KMT2A: variants seen among roughly 807,000 people sequenced by gnomAD.
KMT2A encodes the protein histone-lysine N-methyltransferase 2A.
A neutral mutation model predicts 345.3 loss-of-function variants in KMT2A; 16 were observed. The ratio of observed to expected loss-of-function variants is 0.05; its 90% CI spans 0.03 to 0.07. The LOEUF is 0.07. Ranked by LOEUF, KMT2A falls within the 10% of genes least tolerant of loss-of-function variation. KMT2A has a pLI of 1.00. For missense variants in KMT2A, 3,272 were observed against 4,841.6 expected (o/e 0.68, Z 9.62); for synonymous variants, 1,599 against 1,778.6 (o/e 0.90, Z 2.54).
rs1279365719 is a variant in KMT2A, at chr11:118,494,138, A to G, written c.5179-150A>G. 9.4e-6 allele frequency: 5 copies of G among 531,212 alleles called. No homozygotes were observed. The highest frequency in any genetic ancestry group is 1.9e-5 in the African/African-American group (1 of 51,708). 32.9% of individuals were successfully genotyped at this position (531,212 alleles called of 1,614,324 possible). ...ACAGGTTAATCGTGAATTGAATCTC[A>G]AAGGTCTCAGCCAAAGAGTATTATA... On this transcript the variant is annotated intron_variant, in intron 16 of 35. Transcript: ENST00000534358. This position sits in a 1 kb window ranked among gnomAD's most constrained non-coding sequence, Gnocchi z 5.8.
chr11:118,520,650 CAAA>C lies in KMT2A; in HGVS notation c.11430-144_11430-142del. ...TGGGCGACAGAGCGAAACTCCATCTCAAAAAAAAAAGGGGGGCGCTCATTTTAT... is the reference window on the plus strand; with the variant it reads ...TGGGCGACAGAGCGAAACTCCATCTCAAAAAAAGGGGGGCGCTCATTTTAT... On this transcript the variant is annotated intron_variant, in intron 33 of 35. Transcript: ENST00000534358. This position sits in a 1 kb window ranked among gnomAD's most constrained non-coding sequence, Gnocchi z 4.3. 1.9e-6 allele frequency: 1 copy of C among 521,646 alleles called. No individual in the cohort carries two copies. Among genetic ancestry groups the C allele is most frequent in the Non-Finnish European group, 3.5e-6 (1 of 289,728 alleles). The allele number at this position is 521,646 out of a possible 1,614,324, so 32.3% of individuals were successfully genotyped here.
In KMT2A at chr11:118,526,345, T is replaced by TACC; in HGVS notation, c.*4174_*4175insCCA. Reference sequence around the variant, plus strand: ...AAAATTGTGTTCTGTGCTTTCCTGGTATCTTGTTCCGAGGTACTCTAGTTC... The same window carrying TACC: ...AAAATTGTGTTCTGTGCTTTCCTGGTACCATCTTGTTCCGAGGTACTCTAGTTC... On this transcript the variant is annotated 3_prime_UTR_variant, in exon 36 of 36. Coordinates refer to ENST00000534358, the MANE Select transcript of KMT2A (RefSeq NM_001197104.2). The TACC allele has an allele frequency of 4.4e-6, 1 of 225,356 alleles. No homozygotes were observed. Among genetic ancestry groups the TACC allele is most frequent in the Non-Finnish European group, 8.8e-6 (1 of 113,200 alleles). The allele number at this position is 225,356 out of a possible 1,614,324, so 14.0% of individuals were successfully genotyped here.
chr11:118,449,967 T>C (rs886334835), intron 1 of KMT2A: 3 of 152,222 alleles, frequency 2.0e-5, no homozygotes, highest in South Asian at 2.1e-4. Flanking sequence ...AAATTTCTTA[T>C]AATAAAAAGA....
chr11:118,500,386 A>G (rs1225745000), intron 24 of KMT2A, among the ~76,000 whole-genome samples: 2 of 152,246 alleles, frequency 1.3e-5, no homozygotes, highest in Non-Finnish European at 2.9e-5. Flanking sequence ...AGCTAACAAT[A>G]TAAGTTCAAA....
In KMT2A at chr11:118,503,331, G is replaced by T; in HGVS notation, c.7439G>T (p.Arg2480Leu). The change falls in exon 27 of 36, where the codon CGA (arginine) becomes CTA (leucine). Residue 2480 changes from arginine (R) to leucine (L), a missense_variant. Transcript: ENST00000534358. This position sits in a 1 kb window ranked among gnomAD's most constrained non-coding sequence, Gnocchi z 5.3. ...EVLTPEYMGQRPCNNVSSDKI... is the reference protein window; with the variant it reads ...EVLTPEYMGQLPCNNVSSDKI... Reference sequence around the variant, plus strand: ...TTGACTCCTGAGTATATGGGCCAACGACCATGTAACAATGTTTCTTCTGAT... The same window carrying T: ...TTGACTCCTGAGTATATGGGCCAACTACCATGTAACAATGTTTCTTCTGAT... 6.2e-7 allele frequency: 1 copy of T among 1,613,990 alleles called. No homozygotes were observed. The highest frequency in any genetic ancestry group is 1.1e-5 in the South Asian group (1 of 91,018).
intron 1 of KMT2A, among the ~76,000 whole-genome samples, chr11:118,454,157 A>T (rs1206780274): frequency 6.6e-6 from 1 of 152,158 alleles, no homozygotes; most frequent in Non-Finnish European, 1.5e-5. Context: ...TTTGTTTCTC[A>T]CATAGCAACA....
At chr11:118,515,952 C>A (rs781949543) in intron 31 of KMT2A, among the ~76,000 whole-genome samples, 1 of 151,996 alleles carries the variant, frequency 6.6e-6, no homozygotes, top group East Asian at 1.9e-4. Flanking sequence ...CCTCCCAAAG[C>A]GCTGAGAGTA....
chr11:118,481,369 G>C (rs1183470406), intron 6 of KMT2A, among the ~76,000 whole-genome samples: 1 of 152,024 alleles, frequency 6.6e-6, no homozygotes, highest in Admixed American at 6.6e-5. Context: ...CTCTGTGTCT[G>C]GCTTATTTCA....
chr11:118,481,315 A>C (rs141131964), intron 6 of KMT2A, among the ~76,000 whole-genome samples: 4 of 152,048 alleles, frequency 2.6e-5, no homozygotes, highest in African/African-American at 9.6e-5. Context: ...AATTGTTTTA[A>C]TTTTTAGCTC....
chr11:118,507,885 C>T, intron 28 of KMT2A: 1 of 319,634 alleles, frequency 3.1e-6, no homozygotes, highest in Non-Finnish European at 6.1e-6. Flanking sequence ...AGGGCGTGAA[C>T]CCAGGAGGCG....
chr11:118,484,092 A>G lies in KMT2A; in HGVS notation c.4087-91A>G. 1.6e-6 allele frequency: 2 copies of G among 1,221,222 alleles called. No individual in the cohort carries two copies. The highest frequency in any genetic ancestry group is 2.3e-6 in the Non-Finnish European group (2 of 860,998). The allele number at this position is 1,221,222 out of a possible 1,614,324, so 75.6% of individuals were successfully genotyped here. On this transcript the variant is annotated intron_variant, in intron 8 of 35. Coordinates refer to ENST00000534358, the MANE Select transcript of KMT2A (RefSeq NM_001197104.2). This position sits in a 1 kb window ranked among gnomAD's most constrained non-coding sequence, Gnocchi z 4.1. ...TGGAAACATGTTTTTTAGATCTATT[A>G]ATAAAATTTGTCATTTGCATTATTA...
Position 118,520,710 on chromosome 11 carries a change from G to A in KMT2A, c.11430-92G>A. 2 of 893,156 alleles carry A rather than the reference G, an allele frequency of 2.2e-6. No homozygotes were observed. Among genetic ancestry groups the A allele is most frequent in the Non-Finnish European group, 3.7e-6 (2 of 541,902 alleles). 55.3% of individuals were successfully genotyped at this position (893,156 alleles called of 1,614,324 possible). A position where few individuals can be genotyped will look rare whatever the true frequency, so the allele number is the denominator to read the frequency against. ...CTCGTTCAGTTTGGCATTAAACAAAGAGTGTACTAATTGTCTCTAGGAACC... is the reference window on the plus strand; with the variant it reads ...CTCGTTCAGTTTGGCATTAAACAAAAAGTGTACTAATTGTCTCTAGGAACC... On this transcript the variant is annotated intron_variant, in intron 33 of 35. Transcript: ENST00000534358. This position sits in a 1 kb window ranked among gnomAD's most constrained non-coding sequence, Gnocchi z 4.3.
chr11:118,475,320 C>A (rs1253347578), intron 3 of KMT2A, among the ~76,000 whole-genome samples: 2 of 151,430 alleles, frequency 1.3e-5, no homozygotes, highest in Non-Finnish European at 2.9e-5. Context: ...CTGGCCTTTT[C>A]TGAGAAAAGT....
In KMT2A at chr11:118,473,269, C is replaced by A; in HGVS notation, c.2110C>A (p.Pro704Thr). ...SPLLRAPRFTPSEAHSRIFES... is the reference protein window; with the variant it reads ...SPLLRAPRFTTSEAHSRIFES... ...TCTTCTGAGAGCTCCAAGATTTACT[C>A]CAAGTGAGGCTCACTCTAGAATATT... Residue 704 changes from proline (P) to threonine (T), a missense_variant, in exon 3 of 36, where the codon CCA (proline) becomes ACA (threonine). Physicochemically the swap from Pro to Thr is conservative, Grantham distance 38. This residue lies in a region of KMT2A where 114 missense variants were observed against 203.2 expected (regional missense o/e 0.56). Coordinates refer to ENST00000534358, the MANE Select transcript of KMT2A (RefSeq NM_001197104.2). This position sits in a 1 kb window ranked among gnomAD's most constrained non-coding sequence, Gnocchi z 5.2. The A allele has an allele frequency of 1.2e-6, 2 of 1,611,466 alleles. No homozygotes were observed. Among genetic ancestry groups the A allele is most frequent in the Non-Finnish European group, 1.7e-6 (2 of 1,178,978 alleles).
Position 118,476,737 on chromosome 11 carries a change from C to G in KMT2A, c.3157-68C>G. The stretch of plus-strand genomic sequence containing the variant: ...TCATACTGAAATTGATTAAGTATAC[C>G]TTGGCTTCGTTCAGTTATAATTTCA... On this transcript the variant is annotated intron_variant, in intron 3 of 35. Coordinates refer to ENST00000534358, the MANE Select transcript of KMT2A (RefSeq NM_001197104.2). The surrounding 1 kb of genome is among the most constrained non-coding windows in gnomAD (Gnocchi z 4.1). 1 of 1,299,030 alleles carries G rather than the reference C, an allele frequency of 7.7e-7. No homozygotes were observed. Among genetic ancestry groups the G allele is most frequent in the Non-Finnish European group, 1.1e-6 (1 of 925,978 alleles). 80.5% of individuals were successfully genotyped at this position (1,299,030 alleles called of 1,614,324 possible).
In KMT2A at chr11:118,506,036, A is replaced by T; in HGVS notation, c.10144A>T (p.Ser3382Cys). The change falls in exon 27 of 36, where the codon AGC (serine) becomes TGC (cysteine). Residue 3382 changes from serine to cysteine, a missense_variant. Ser to Cys is a moderately radical substitution (Grantham distance 112). This residue lies in a region of KMT2A where 748 missense variants were observed against 922.2 expected (regional missense o/e 0.81). Coordinates refer to ENST00000534358, the MANE Select transcript of KMT2A (RefSeq NM_001197104.2). ...LLGTPDIGSI[S>C]NLLIKASQQS... is the part of the protein sequence containing the mutation. ...TGGTACCCCAGATATTGGCTCAATAAGCAATCTTTTAATCAAAGCTAGCCA... is the reference window on the plus strand; with the variant it reads ...TGGTACCCCAGATATTGGCTCAATATGCAATCTTTTAATCAAAGCTAGCCA... The T allele has an allele frequency of 6.2e-7, 1 of 1,614,236 alleles. No homozygotes were observed. Among genetic ancestry groups the T allele is most frequent in the Non-Finnish European group, 8.5e-7 (1 of 1,180,030 alleles).
At position 118,503,331 on chromosome 11, in the gene KMT2A, G is replaced by A. The variant is rs782040269; in HGVS notation, c.7439G>A (p.Arg2480Gln). 2.9e-5 allele frequency: 47 copies of A among 1,613,892 alleles called. No individual in the cohort carries two copies. The highest frequency in any genetic ancestry group is 3.6e-5 in the Non-Finnish European group (42 of 1,179,966). ...EVLTPEYMGQRPCNNVSSDKI... is the reference protein window; with the variant it reads ...EVLTPEYMGQQPCNNVSSDKI... ...TTGACTCCTGAGTATATGGGCCAAC[G>A]ACCATGTAACAATGTTTCTTCTGAT... Residue 2480 changes from arginine to glutamine, a missense_variant, in exon 27 of 36, where the codon CGA (arginine) becomes CAA (glutamine). Physicochemically the swap from Arg to Gln is conservative, Grantham distance 43 (BLOSUM62 1). Transcript: ENST00000534358. This position sits in a 1 kb window ranked among gnomAD's most constrained non-coding sequence, Gnocchi z 5.3.
intron 31 of KMT2A, chr11:118,512,253 T>G: frequency 1.8e-6 from 1 of 556,604 alleles, no homozygotes; most frequent in East Asian, 3.0e-5. Flanking sequence ...TTCTAGAACA[T>G]TCTCATCATC....
In KMT2A at chr11:118,520,940, C is replaced by A; in HGVS notation, c.11513+55C>A. On this transcript the variant is annotated intron_variant, in intron 34 of 35. Coordinates refer to ENST00000534358, the MANE Select transcript of KMT2A (RefSeq NM_001197104.2). The surrounding 1 kb of genome is among the most constrained non-coding windows in gnomAD (Gnocchi z 4.3). ...GAAAACGAATGCAGTTTTTCAAAAT[C>A]AAAGCAGACCAAATGCTGGAGTGAC... 1 of 1,317,194 alleles carries A rather than the reference C, an allele frequency of 7.6e-7. No homozygotes were observed. The highest frequency in any genetic ancestry group is 1.1e-6 in the Non-Finnish European group (1 of 911,312). 81.6% of individuals were successfully genotyped at this position (1,317,194 alleles called of 1,614,324 possible).
Sources: allele counts gnomAD v4.1 joint callset (sites outside exome capture counted in the v4.1 genomes callset), GRCh38; gene constraint gnomAD v4.1.1; regional missense constraint gnomAD v4.1.1; non-coding constraint Gnocchi (gnomAD v3.1); transcripts MANE v1.5; gene names NCBI Gene and HGNC (gene_info 2026-07-23, HGNC 2026-07-21).